The following HNRNPUL1 variants were observed in gnomAD, a reference collection of about 807,000 sequenced individuals.
HNRNPUL1 encodes heterogeneous nuclear ribonucleoprotein U-like protein 1.
HNRNPUL1 carries 14 observed loss-of-function variants against 108.5 expected under a neutral mutation model. That is an observed-to-expected ratio of 0.13 (90% CI 0.09 to 0.20). The LOEUF (loss-of-function observed/expected upper bound fraction) is 0.20. Among genes scored for constraint, HNRNPUL1 ranks in the 10% least tolerant of loss-of-function variants. The pLI is 1.00. For missense variants in HNRNPUL1, 804 were observed against 1,168.3 expected, an observed-to-expected ratio of 0.69 and a Z score of 4.55; for synonymous variants, 422 against 445.2, an observed-to-expected ratio of 0.95 and a Z score of 0.66.
chr19:41,264,992 G>C (rs899853457), intron 1 of HNRNPUL1, 194 bp downstream of exon 1: 2 of 1,396,108 alleles, frequency 1.4e-6, no homozygotes, highest in African/African-American at 3.0e-5. Context: ...CTCAGTGCAG[G>C]GGGGACACTG....
In HNRNPUL1 at chr19:41,293,615, G is replaced by C. The variant is rs2122835306; in HGVS notation, c.1267-723G>C. 1.3e-5 allele frequency among the ~76,000 whole-genome samples: 2 copies of C among 152,260 alleles called. 1 individual carries two copies. The highest frequency in any genetic ancestry group is 4.1e-4 in the South Asian group (2 of 4,824). Reference sequence around the variant, plus strand: ...TGTTCCTATTTCATACTTAAAGAAAGTTGTACCACTTCTACCCACTCCATG... The same window carrying C: ...TGTTCCTATTTCATACTTAAAGAAACTTGTACCACTTCTACCCACTCCATG... On this transcript the variant is annotated intron_variant, in intron 8 of 14. Transcript: ENST00000392006.
chr19:41,289,677 T>C (rs1490476554), intron 7 of HNRNPUL1, among the ~76,000 whole-genome samples: 1 of 151,158 alleles, frequency 6.6e-6, no homozygotes, highest in Non-Finnish European at 1.5e-5. Flanking sequence ...TAAGGAAGGC[T>C]AACTAACACC....
chr19:41,269,667 T>C (rs1197150242), intron 2 of HNRNPUL1, among the ~76,000 whole-genome samples: 3 of 151,090 alleles, frequency 2.0e-5, no homozygotes, highest in Non-Finnish European at 4.4e-5. Flanking sequence ...TGCCTGAGCA[T>C]GGTGACATGC....
At chr19:41,289,527 A>T (rs1277694783) in intron 7 of HNRNPUL1, among the ~76,000 whole-genome samples, 3 of 152,108 alleles carry the variant, frequency 2.0e-5, no homozygotes, top group Non-Finnish European at 2.9e-5. Context: ...CCTGGGACTG[A>T]CACAGGAGTG....
intron 4 of HNRNPUL1, among the ~76,000 whole-genome samples, chr19:41,274,627 G>A (rs1390094453): frequency 6.6e-6 from 1 of 152,104 alleles, no homozygotes; most frequent in Non-Finnish European, 1.5e-5. Context: ...TTATTATAAA[G>A]GTCCTTTCGC....
intron 8 of HNRNPUL1, among the ~76,000 whole-genome samples, chr19:41,293,563 C>G (rs891446495): frequency 1.3e-5 from 2 of 152,176 alleles, no homozygotes; most frequent in Admixed American, 1.3e-4. Flanking sequence ...TGATTAGATA[C>G]AATTCATGTC....
intron 4 of HNRNPUL1, among the ~76,000 whole-genome samples, 163 bp downstream of exon 4, chr19:41,274,218 A>G (rs909281301): frequency 4.6e-5 from 7 of 152,206 alleles, no homozygotes; most frequent in African/African-American, 1.7e-4. Context: ...TTTGGAGGCA[A>G]AAGACCTACT....
At chr19:41,274,667 T>C (rs1203157914) in intron 4 of HNRNPUL1, among the ~76,000 whole-genome samples, 2 of 152,208 alleles carry the variant, frequency 1.3e-5, no homozygotes, top group Non-Finnish European at 2.9e-5. Flanking sequence ...GTCTAAGTGG[T>C]CGAGCCTATG....
intron 7 of HNRNPUL1, chr19:41,291,989 A>AAC: frequency 2.2e-6 from 1 of 456,188 alleles, no homozygotes. Flanking sequence ...CAAAAAAAAA[A>AAC]AAAACAAAAA....
chr19:41,289,957 C>T lies in HNRNPUL1; in HGVS notation c.1000-2288C>T, dbSNP rs370660021. Among the ~76,000 whole-genome samples the T allele has an allele frequency of 3.2e-4, 48 of 152,008 alleles. 1 individual carries two copies. In the South Asian group the frequency reaches 8.3e-3, roughly 26 times the overall value. ...TGATCTCTTGACCTCATGATCTGCC[C>T]ACCTCGGCCTCCCAAAATGCTGGGA... On this transcript the variant is annotated intron_variant, in intron 7 of 14. Transcript: ENST00000392006.
intron 11 of HNRNPUL1, among the ~76,000 whole-genome samples, chr19:41,301,922 C>T (rs879620430): frequency 1.3e-4 from 20 of 152,194 alleles, no homozygotes; most frequent in Admixed American, 5.9e-4. Flanking sequence ...GGGGCTGGGG[C>T]AGCACAAGGG....
At chr19:41,297,814 A>G (rs2036977711) in intron 10 of HNRNPUL1, among the ~76,000 whole-genome samples, 1 of 152,182 alleles carries the variant, frequency 6.6e-6, no homozygotes, top group Admixed American at 6.5e-5. Context: ...CCTGGTCAGC[A>G]GGTGCCACAC....
At chr19:41,265,323 C>A in intron 1 of HNRNPUL1, 1 of 1,508,288 alleles carries the variant, frequency 6.6e-7, no homozygotes, top group South Asian at 1.2e-5. Context: ...TGGATGCGAT[C>A]CTGGGCGTTC....
chr19:41,301,692 T>C lies in HNRNPUL1; in HGVS notation c.1675T>C (p.Leu559=). 1 of 1,612,674 alleles carries C rather than the reference T, an allele frequency of 6.2e-7. No homozygotes were observed. Among genetic ancestry groups the C allele is most frequent in the East Asian group, 2.2e-5 (1 of 44,856 alleles). The change falls in exon 11 of 15, where the codon TTA becomes CTA. Residue 559 remains leucine (L), a synonymous_variant. Transcript: ENST00000392006. ...GAAGGATGTCCCAGATCATGCGGTC[T>C]TAGAAATGAAAGGTAGGAAATGAGT... ...EGKDVPDHAV[L]EMKANFTLPD...
At position 41,295,408 on chromosome 19, in the gene HNRNPUL1, A is replaced by G. The variant is rs572145407; in HGVS notation, c.1518+722A>G. ...GAAAAAAAAACAGTTTTTTGTCCCT[A>G]TCTTTCAGCATTCTCAAAAGGATGA... On this transcript the variant is annotated intron_variant, in intron 10 of 14. Coordinates refer to ENST00000392006, the MANE Select transcript of HNRNPUL1 (RefSeq NM_007040.6). Among the ~76,000 whole-genome samples, 26 of 152,316 alleles carry G rather than the reference A, an allele frequency of 1.7e-4. 1 individual carries two copies. Among genetic ancestry groups the G allele is most frequent in the East Asian group, 3.9e-4 (2 of 5,188 alleles).
chr19:41,263,995 CAG>C (rs2034644385), upstream of HNRNPUL1, among the ~76,000 whole-genome samples: 3 of 152,344 alleles, frequency 2.0e-5, no homozygotes, highest in South Asian at 4.1e-4. Flanking sequence ...ATGTGTGTTA[CAG>C]AGACACTTAG....
In HNRNPUL1 at chr19:41,264,693, G is replaced by A. The variant is rs200709260; in HGVS notation, c.190G>A (p.Val64Ile). 6.4e-7 allele frequency: 1 copy of A among 1,556,328 alleles called. No homozygotes were observed. Among genetic ancestry groups the A allele is most frequent in the Non-Finnish European group, 8.7e-7 (1 of 1,155,494 alleles). The change falls in exon 1 of 15, where the codon GTC becomes ATC. Residue 64 changes from valine (V) to isoleucine (I), a missense_variant. By Grantham distance (29) the Val-to-Ile change is conservative (BLOSUM62 3). Transcript: ENST00000392006. ...PGRPGHINEE[V>I]ETEGGSELEG... is the part of the protein sequence containing the mutation. ...GCGACCCGGGCACATCAACGAGGAG[G>A]TCGAGACCGAGGGGGGCTCCGAGCT... is the stretch of plus-strand genomic sequence containing the variant.
chr19:41,268,868 A>G (rs2035029193), intron 2 of HNRNPUL1, among the ~76,000 whole-genome samples: 1 of 152,106 alleles, frequency 6.6e-6, no homozygotes, highest in African/African-American at 2.4e-5. Flanking sequence ...ATCTCAAAAA[A>G]AAAAAGATGT....
chr19:41,265,365 G>A, intron 1 of HNRNPUL1: 1 of 1,524,022 alleles, frequency 6.6e-7, no homozygotes, highest in Non-Finnish European at 8.8e-7. Context: ...GGTGGGAGAG[G>A]TGGAGGCGCT....
Sources: allele counts gnomAD v4.1 joint callset (sites outside exome capture counted in the v4.1 genomes callset), GRCh38; gene constraint gnomAD v4.1.1; transcripts MANE v1.5; gene names NCBI Gene and HGNC (gene_info 2026-07-23, HGNC 2026-07-21).